SLC36A3: variants seen among roughly 807,000 people sequenced by gnomAD.
SLC36A3 encodes solute carrier family 36 member 3.
SLC36A3 carries 35 observed loss-of-function variants against 44.3 expected under a neutral mutation model. That is an observed-to-expected ratio of 0.79 (90% confidence interval 0.60 to 1.05). The LOEUF is 1.05. Among genes scored for constraint, SLC36A3 ranks in the 50% least tolerant of loss-of-function variants. The pLI is 0.00. For synonymous variants in SLC36A3, 211 were observed against 227.6 expected (o/e 0.93, Z 0.66); for missense variants, 540 against 578.7 (o/e 0.93, Z 0.69).
At chr5:151,303,125 G>A (rs1229706257) in intron 1 of SLC36A3, 102 bp downstream of exon 1, 24 of 1,369,412 alleles carry the variant, frequency 1.8e-5, no homozygotes, top group Non-Finnish European at 2.3e-5. Flanking sequence ...TCGTGTTAAT[G>A]GAATAAGCGT....
intron 3 of SLC36A3, among the ~76,000 whole-genome samples, chr5:151,295,971 C>T (rs1301023360): frequency 6.6e-6 from 1 of 152,246 alleles, no homozygotes; most frequent in African/African-American, 2.4e-5. Flanking sequence ...ATTTGACAGT[C>T]ATCCAGCTTG....
chr5:151,290,840 A>G (rs1329357975), intron 4 of SLC36A3, among the ~76,000 whole-genome samples: 4 of 152,070 alleles, frequency 2.6e-5, no homozygotes, highest in African/African-American at 9.7e-5. Flanking sequence ...GCTTGCAGTG[A>G]GCCGAGATCG....
At chr5:151,291,315 A>G (rs544850363) in intron 4 of SLC36A3, among the ~76,000 whole-genome samples, 2 of 152,338 alleles carry the variant, frequency 1.3e-5, no homozygotes, top group African/African-American at 2.4e-5. Context: ...TATTCAGTCC[A>G]TATTCAGATT....
At position 151,277,156 on chromosome 5, in the gene SLC36A3, A is replaced by G. The variant is rs1754117047; in HGVS notation, c.*237T>C. The G allele has an allele frequency of 1.8e-6, 1 of 545,808 alleles. No individual in the cohort carries two copies. Among genetic ancestry groups the G allele is most frequent in the Non-Finnish European group, 3.2e-6 (1 of 310,640 alleles). The allele number at this position is 545,808 out of a possible 1,614,324, so 33.8% of individuals were successfully genotyped here. On this transcript the variant is annotated 3_prime_UTR_variant, in exon 10 of 10. Transcript: ENST00000335230. ...ATAAAATGAGGCTGATAATATGAATAGTTGAATCTAATTTTGGTTCAGAGG... is the reference window on the plus strand; with the variant it reads ...ATAAAATGAGGCTGATAATATGAATGGTTGAATCTAATTTTGGTTCAGAGG...
rs771608399 is a variant in SLC36A3 at position 151,296,348 on chromosome 5, G to A, written c.220-80C>T. 2.3e-5 allele frequency: 28 copies of A among 1,201,866 alleles called. 1 individual carries two copies. In the South Asian group the frequency reaches 3.6e-4, roughly 15 times the overall value. 74.5% of individuals were successfully genotyped at this position (1,201,866 alleles called of 1,614,324 possible). On this transcript the variant is annotated intron_variant, in intron 2 of 9. Transcript: ENST00000335230. ...CTGGCCCTCTCACAGTCTGCGTGCT[G>A]GGGCCTGTTGCATAATAAAACTGTC...
intron 6 of SLC36A3, among the ~76,000 whole-genome samples, chr5:151,286,363 G>T (rs1447647124): frequency 6.6e-6 from 1 of 152,214 alleles, no homozygotes. Context: ...TGTGATCATA[G>T]CTTACTGTAG....
chr5:151,286,400 C>T (rs891773334), intron 6 of SLC36A3, among the ~76,000 whole-genome samples: 1 of 152,188 alleles, frequency 6.6e-6, no homozygotes, highest in Non-Finnish European at 1.5e-5. Context: ...TCAGGTGATC[C>T]ATCCACCTCA....
intron 9 of SLC36A3, among the ~76,000 whole-genome samples, chr5:151,278,615 A>G (rs1192782499): frequency 6.6e-6 from 1 of 152,196 alleles, no homozygotes; most frequent in East Asian, 1.9e-4. Context: ...TATGAACAAA[A>G]TAGAGAAAGC....
At chr5:151,294,881 G>C (rs774399194) in intron 3 of SLC36A3, among the ~76,000 whole-genome samples, 1 of 151,892 alleles carries the variant, frequency 6.6e-6, no homozygotes, top group Non-Finnish European at 1.5e-5. Flanking sequence ...TGCCTGCCTC[G>C]GCCTCCTGAA....
intron 3 of SLC36A3, among the ~76,000 whole-genome samples, chr5:151,294,746 C>G (rs1441527595): frequency 2.0e-5 from 3 of 152,008 alleles, no homozygotes; most frequent in Non-Finnish European, 2.9e-5. Flanking sequence ...TCTCCTGCCT[C>G]AGCCTCCCGA....
At chr5:151,296,295 G>A (rs758575350) in intron 2 of SLC36A3, 27 bp from the exon 3 acceptor site, 12 of 1,595,022 alleles carry the variant, frequency 7.5e-6, no homozygotes, top group Non-Finnish European at 1.0e-5. Flanking sequence ...AAAGGGGGAA[G>A]TGAGCCAGAA....
At chr5:151,294,281 C>T (rs1032624601) in intron 3 of SLC36A3, among the ~76,000 whole-genome samples, 2 of 152,180 alleles carry the variant, frequency 1.3e-5, no homozygotes, top group Non-Finnish European at 2.9e-5. Flanking sequence ...ATTTTTGTTA[C>T]TGCTCACCGT....
Position 151,298,677 on chromosome 5 carries a change from C to T in SLC36A3, c.135G>A (p.Met45Ile), listed in dbSNP as rs1434574080. 6.2e-7 allele frequency: 1 copy of T among 1,613,940 alleles called. No homozygotes were observed. Among genetic ancestry groups the T allele is most frequent in the Non-Finnish European group, 8.5e-7 (1 of 1,179,928 alleles). Residue 45 changes from methionine to isoleucine, a missense_variant, in exon 2 of 10, where the codon ATG becomes ATA. Coordinates refer to ENST00000335230, the MANE Select transcript of SLC36A3 (RefSeq NM_181774.4). ...HPAGEAGLSM[M>I]QTLIHLLKCN... is the part of the protein sequence containing the mutation. ...ATTTCAACAAGTGGATCAAAGTTTGCATCATCCTGTGGTGGGGAGAGTAGG... is the reference window on the plus strand; with the variant it reads ...ATTTCAACAAGTGGATCAAAGTTTGTATCATCCTGTGGTGGGGAGAGTAGG...
intron 1 of SLC36A3, among the ~76,000 whole-genome samples, chr5:151,300,574 C>T (rs1252509242): frequency 6.6e-6 from 1 of 152,170 alleles, no homozygotes; most frequent in African/African-American, 2.4e-5. Context: ...ACTTCTTTCC[C>T]ATGACAGCAT....
In SLC36A3 at chr5:151,303,249, G is replaced by A; in HGVS notation, c.106C>T (p.Pro36Ser). ...TACGATAGTCCAGCTTCTCCAGCAG[G>A]ATGGACATTCTCTGAAGTAATGCTA... ...SSSITSENVH[P>S]AGEAGLSMMQ... Residue 36 changes from proline (P) to serine (S), a missense_variant, in exon 1 of 10, where the codon CCT becomes TCT. Coordinates refer to ENST00000335230, the MANE Select transcript of SLC36A3 (RefSeq NM_181774.4). 1.2e-6 allele frequency: 2 copies of A among 1,613,930 alleles called. No individual in the cohort carries two copies. The highest frequency in any genetic ancestry group is 1.7e-6 in the Non-Finnish European group (2 of 1,179,874).
chr5:151,279,492 A>G (rs1196082224), intron 9 of SLC36A3, among the ~76,000 whole-genome samples: 1 of 152,220 alleles, frequency 6.6e-6, no homozygotes, highest in African/African-American at 2.4e-5. Flanking sequence ...GAATTGATGG[A>G]TGAATAATGG....
At position 151,284,208 on chromosome 5, in the gene SLC36A3, A is replaced by G. The variant is rs1754444231; in HGVS notation, c.810T>C (p.Val270=). The part of the protein sequence containing the change: ...AIFTFEGVGM[V]LPLKNQMKHP... The stretch of plus-strand genomic sequence containing the variant: ...GCTTCATCTGGTTTTTGAGAGGCAG[A>G]ACCTGGAGGGAAAAAAAAAAGTTGG... The change falls in exon 8 of 10, where the codon GTT becomes GTC. Residue 270 remains valine (V), a splice_region_variant and synonymous_variant. Coordinates refer to ENST00000335230, the MANE Select transcript of SLC36A3 (RefSeq NM_181774.4). The G allele has an allele frequency of 1.3e-6, 2 of 1,595,144 alleles. No homozygotes were observed. The highest frequency in any genetic ancestry group is 1.7e-6 in the Non-Finnish European group (2 of 1,174,964).
rs1399087026 is a variant in SLC36A3, at chr5:151,277,634, A to G, written c.1172T>C (p.Leu391Pro). 1 of 1,614,062 alleles carries G rather than the reference A, an allele frequency of 6.2e-7. No individual in the cohort carries two copies. The highest frequency in any genetic ancestry group is 1.3e-5 in the African/African-American group (1 of 74,944). The stretch of plus-strand genomic sequence containing the variant: ...GCCTACCAGGGAGATGACCAAGTCC[A>G]GGCGGGGGATGAGGATGGCTGAGAC... ...TCVSAILIPR[L>P]DLVISLVGSV... Residue 391 changes from leucine to proline, a missense_variant, in exon 10 of 10, where the codon CTG (leucine) becomes CCG (proline). By Grantham distance (98) the Leu-to-Pro change is moderately conservative. Coordinates refer to ENST00000335230, the MANE Select transcript of SLC36A3 (RefSeq NM_181774.4).
rs1754113485 is a variant in SLC36A3 at position 151,277,003 on chromosome 5, C to T, written c.*390G>A. 1 of 192,648 alleles carries T rather than the reference C, an allele frequency of 5.2e-6. No individual in the cohort carries two copies. Among genetic ancestry groups the T allele is most frequent in the Non-Finnish European group, 1.1e-5 (1 of 91,894 alleles). The allele number at this position is 192,648 out of a possible 1,614,324, so 11.9% of individuals were successfully genotyped here. On this transcript the variant is annotated 3_prime_UTR_variant, in exon 10 of 10. Coordinates refer to ENST00000335230, the MANE Select transcript of SLC36A3 (RefSeq NM_181774.4). ...ATATCTAAATAGAAAACTCCCTTCG[C>T]CCAACATACACTTTTCTAAATCTGA...
Sources: gnomAD v4.1 joint callset for allele counts (sites outside exome capture counted in the v4.1 genomes callset) on GRCh38, gnomAD v4.1.1 for gene constraint, MANE v1.5 for transcripts, NCBI Gene and HGNC (gene_info 2026-07-23, HGNC 2026-07-21) for gene names.